Variants in CSF3 observed in about 807,000 individuals in gnomAD.
The protein encoded by CSF3 is colony stimulating factor 3.
CSF3 carries 17 observed loss-of-function variants against 20.2 expected under a neutral mutation model. The ratio of observed to expected loss-of-function variants is 0.84; its 90% CI spans 0.58 to 1.26. The LOEUF is 1.26. Ranked by LOEUF, CSF3 falls within the 50% of genes most tolerant of loss-of-function variation. The pLI, the probability that CSF3 is intolerant of heterozygous loss-of-function variation, is 0.00. For missense variants in CSF3, 210 were observed against 256.0 expected (o/e 0.82, Z 1.23); for synonymous variants, 125 against 115.3 (o/e 1.08, Z -0.54).
rs531033567 is a variant in CSF3 at position 40,016,881 on chromosome 17, A to G, written c.537A>G (p.Gly179=). 2 of 1,613,516 alleles carry G rather than the reference A, an allele frequency of 1.2e-6. No individual in the cohort carries two copies. The highest frequency in any genetic ancestry group is 4.5e-5 in the East Asian group (2 of 44,872). ...AFASAFQRRA[G]GVLVASHLQS... ...CCTCTGCTTTCCAGCGCCGGGCAGG[A>G]GGGGTCCTGGTTGCCTCCCATCTGC... The change falls in exon 5 of 5, where the codon GGA becomes GGG. Residue 179 remains glycine, a synonymous_variant. Coordinates refer to ENST00000394149, the MANE Select transcript of CSF3 (RefSeq NM_172219.3).
intron 2 of CSF3, 129 bp downstream of exon 2, chr17:40,015,974 G>T (rs935216237): frequency 1.0e-5 from 14 of 1,371,734 alleles, no homozygotes; most frequent in Admixed American, 5.2e-5. Flanking sequence ...GCTGGGGAAG[G>T]CTGGGAAGGG....
intron 1 of CSF3, 83 bp downstream of exon 1, chr17:40,015,597 C>T (rs953815169): frequency 1.8e-5 from 28 of 1,546,772 alleles, no homozygotes; most frequent in Middle Eastern, 4.4e-4. Context: ...TGGGGATCCC[C>T]GTTCTGGGAA....
At position 40,017,020 on chromosome 17, in the gene CSF3, CAT is replaced by C; in HGVS notation, c.*64_*65del. 1 of 1,454,148 alleles carries C rather than the reference CAT, an allele frequency of 6.9e-7. No homozygotes were observed. Among genetic ancestry groups the C allele is most frequent in the Non-Finnish European group, 9.1e-7 (1 of 1,093,882 alleles). The allele number at this position is 1,454,148 out of a possible 1,614,324, so 90.1% of individuals were successfully genotyped here. A position where few individuals can be genotyped will look rare whatever the true frequency, so the allele number is the denominator to read the frequency against. On this transcript the variant is annotated 3_prime_UTR_variant, in exon 5 of 5. Transcript: ENST00000394149. ...TTAATATTTATGTCTATTTAAGCCTCATATTTAAAGACAGGGAAGAGCAGAAC... is the reference window on the plus strand; with the variant it reads ...TTAATATTTATGTCTATTTAAGCCTCATTTAAAGACAGGGAAGAGCAGAAC...
rs577491415 is a variant in CSF3 at position 40,015,444 on chromosome 17, C to T, written c.-31C>T. ...CCTAGAGCTGGGCCCCAAAACAGCC[C>T]GGAGCCTGCAGCCCAGCCCCACCCA... On this transcript the variant is annotated 5_prime_UTR_variant, in exon 1 of 5. Transcript: ENST00000394149. 14 of 1,547,504 alleles carry T rather than the reference C, an allele frequency of 9.0e-6. No individual in the cohort carries two copies. Among genetic ancestry groups the T allele is most frequent in the South Asian group, 6.0e-5 (5 of 83,668 alleles).
intron 1 of CSF3, 49 bp downstream of exon 1, chr17:40,015,563 G>A (rs1981322615): frequency 1.3e-6 from 2 of 1,549,986 alleles, no homozygotes; most frequent in South Asian, 1.2e-5. Flanking sequence ...TGGCATGGGA[G>A]GGAGGCTGGT....
rs1382011778 is a variant in CSF3 at position 40,016,873 on chromosome 17, C to G, written c.529C>G (p.Arg177Gly). 6.2e-7 allele frequency: 1 copy of G among 1,613,462 alleles called. No individual in the cohort carries two copies. Among genetic ancestry groups the G allele is most frequent in the Non-Finnish European group, 8.5e-7 (1 of 1,180,000 alleles). ...MPAFASAFQRRAGGVLVASHL... is the reference protein window; with the variant it reads ...MPAFASAFQRGAGGVLVASHL... ...GGCCTTCGCCTCTGCTTTCCAGCGCCGGGCAGGAGGGGTCCTGGTTGCCTC... is the reference window on the plus strand; with the variant it reads ...GGCCTTCGCCTCTGCTTTCCAGCGCGGGGCAGGAGGGGTCCTGGTTGCCTC... Residue 177 changes from arginine to glycine, a missense_variant, in exon 5 of 5, where the codon CGG becomes GGG. Coordinates refer to ENST00000394149, the MANE Select transcript of CSF3 (RefSeq NM_172219.3).
At chr17:40,016,073 G>A in intron 2 of CSF3, 160 bp from the exon 3 acceptor site, 2 of 821,194 alleles carry the variant, frequency 2.4e-6, no homozygotes, top group Non-Finnish European at 3.7e-6. Flanking sequence ...GAAAGGGCAA[G>A]GGCCCCTGTG....
chr17:40,015,651 G>A, intron 1 of CSF3, 40 bp from the exon 2 acceptor site: 1 of 1,557,730 alleles, frequency 6.4e-7, no homozygotes, highest in Admixed American at 1.9e-5. Context: ...GCCTCAGGTG[G>A]TAGGGAACAG....
In CSF3 at chr17:40,016,798, G is replaced by A; in HGVS notation, c.454G>A (p.Glu152Lys). The A allele has an allele frequency of 1.2e-6, 2 of 1,612,874 alleles. No individual in the cohort carries two copies. Among genetic ancestry groups the A allele is most frequent in the South Asian group, 1.1e-5 (1 of 91,030 alleles). The change falls in exon 5 of 5, where the codon GAA becomes AAA. Residue 152 changes from glutamate to lysine, a missense_variant. Transcript: ENST00000394149. ...DFATTIWQQMEELGMAPALQP... is the reference protein window; with the variant it reads ...DFATTIWQQMKELGMAPALQP... The stretch of plus-strand genomic sequence containing the variant: ...TGATCACAGCTTTCCCCCACAGATG[G>A]AAGAACTGGGAATGGCCCCTGCCCT...
chr17:40,016,236 G>T lies in CSF3; in HGVS notation c.199G>T (p.Ala67Ser). The T allele has an allele frequency of 6.5e-7, 1 of 1,548,404 alleles. No individual in the cohort carries two copies. Among genetic ancestry groups the T allele is most frequent in the Admixed American group, 2.0e-5 (1 of 50,312 alleles). The change falls in exon 3 of 5, where the codon GCC becomes TCC. Residue 67 changes from alanine to serine, a missense_variant. Physicochemically the swap from Ala to Ser is moderately conservative, Grantham distance 99. Coordinates refer to ENST00000394149, the MANE Select transcript of CSF3 (RefSeq NM_172219.3). ...DGAALQEKLC[A>S]TYKLCHPEEL... The stretch of plus-strand genomic sequence containing the variant: ...CTCAGCATCCTTCCATCCCCAGTGT[G>T]CCACCTACAAGCTGTGCCACCCCGA...
At chr17:40,016,057 T>A in intron 2 of CSF3, 176 bp from the exon 3 acceptor site, 1 of 843,654 alleles carries the variant, frequency 1.2e-6, no homozygotes, top group Non-Finnish European at 1.8e-6. Context: ...GGCATTACAT[T>A]CAGGAGAAAG....
At chr17:40,016,408 C>T (rs1981389683) in intron 3 of CSF3, 68 bp downstream of exon 3, 1 of 1,606,146 alleles carries the variant, frequency 6.2e-7, no homozygotes, top group Non-Finnish European at 8.5e-7. Context: ...ATGGGCTCCC[C>T]CATGTCTCCA....
rs2827 is a variant in CSF3, at chr17:40,017,484, C to T, written c.*525C>T. 30,466 of 152,768 alleles carry T rather than the reference C, an allele frequency of 0.2. 3,820 individuals carry two copies. The highest frequency in any genetic ancestry group is 0.34 in the African/African-American group (14,230 of 41,470). 9.5% of individuals were successfully genotyped at this position (152,768 alleles called of 1,614,324 possible). A position where few individuals can be genotyped will look rare whatever the true frequency, so the allele number is the denominator to read the frequency against. ...GTCCCACGAATTTGCTGGGGAATCT[C>T]GTTTTTCTTCTTAAGACTTTTGGGA... is the stretch of plus-strand genomic sequence containing the variant. On this transcript the variant is annotated 3_prime_UTR_variant, in exon 5 of 5. Coordinates refer to ENST00000394149, the MANE Select transcript of CSF3 (RefSeq NM_172219.3).
intron 2 of CSF3, 80 bp downstream of exon 2, chr17:40,015,925 C>T (rs1598322405): frequency 2.0e-6 from 3 of 1,502,706 alleles, no homozygotes; most frequent in East Asian, 2.3e-5. Flanking sequence ...GGGCCAACAT[C>T]CTCTGGAAGG....
rs1389591627 is a variant in CSF3, at chr17:40,016,463, A to G, written c.304-22A>G. ...GACGTATCTCAGGCAGCACCCCCTA[A>G]CTCTTCCGCTCTGTCTCACAGGCAG... On this transcript the variant is annotated intron_variant, in intron 3 of 4. Transcript: ENST00000394149. The G allele has an allele frequency of 3.1e-6, 5 of 1,613,240 alleles. No individual in the cohort carries two copies. In the African/African-American group the frequency reaches 6.7e-5, roughly 22 times the overall value.
chr17:40,015,501 C>A lies in CSF3; in HGVS notation c.27C>A (p.Pro9=). MAGPATQS[P]MKLMALQLLL... ...TGGCTGGACCTGCCACCCAGAGCCCCATGAAGCTGATGGGTGAGTGTCTTG... is the reference window on the plus strand; with the variant it reads ...TGGCTGGACCTGCCACCCAGAGCCCAATGAAGCTGATGGGTGAGTGTCTTG... The change falls in exon 1 of 5, where the codon CCC becomes CCA. Residue 9 remains proline (P), a synonymous_variant. Coordinates refer to ENST00000394149, the MANE Select transcript of CSF3 (RefSeq NM_172219.3). 1 of 1,551,456 alleles carries A rather than the reference C, an allele frequency of 6.4e-7. No homozygotes were observed. The highest frequency in any genetic ancestry group is 8.7e-7 in the Non-Finnish European group (1 of 1,146,992).
chr17:40,016,934 T>C lies in CSF3; in HGVS notation c.590T>C (p.Val197Ala). 1.9e-6 allele frequency: 3 copies of C among 1,605,210 alleles called. No homozygotes were observed. The highest frequency in any genetic ancestry group is 2.6e-6 in the Non-Finnish European group (3 of 1,174,942). ...AGCTTCCTGGAGGTGTCGTACCGCG[T>C]TCTACGCCACCTTGCCCAGCCCTGA... is the stretch of plus-strand genomic sequence containing the variant. ...LQSFLEVSYR[V>A]LRHLAQP The change falls in exon 5 of 5, where the codon GTT becomes GCT. Residue 197 changes from valine to alanine, a missense_variant. Val to Ala is a moderately conservative substitution (Grantham distance 64). Coordinates refer to ENST00000394149, the MANE Select transcript of CSF3 (RefSeq NM_172219.3).
chr17:40,015,729 G>A lies in CSF3; in HGVS notation c.79G>A (p.Val27Met), dbSNP rs1398240015. 3.1e-6 allele frequency: 5 copies of A among 1,596,994 alleles called. No individual in the cohort carries two copies. The South Asian group carries it at 4.5e-5, about 14-fold the overall frequency. Residue 27 changes from valine (V) to methionine (M), a missense_variant, in exon 2 of 5, where the codon GTG (valine) becomes ATG (methionine). Transcript: ENST00000394149. Reference sequence around the variant, plus strand: ...GCTGTGGCACAGTGCACTCTGGACAGTGCAGGAAGCCACCCCCCTGGGCCC... The same window carrying A: ...GCTGTGGCACAGTGCACTCTGGACAATGCAGGAAGCCACCCCCCTGGGCCC... ...LLLWHSALWT[V>M]QEATPLGPAS... is the part of the protein sequence containing the mutation.
chr17:40,015,514 G>C lies in CSF3; in HGVS notation c.40G>C (p.Ala14Pro). 6.4e-7 allele frequency: 1 copy of C among 1,551,310 alleles called. No homozygotes were observed. Among genetic ancestry groups the C allele is most frequent in the Non-Finnish European group, 8.7e-7 (1 of 1,146,978 alleles). Residue 14 changes from alanine to proline, a missense_variant and splice_region_variant, in exon 1 of 5, where the codon GCC becomes CCC. Ala to Pro is a conservative substitution (Grantham distance 27). Transcript: ENST00000394149. ...CACCCAGAGCCCCATGAAGCTGATGGGTGAGTGTCTTGGCCCAGGATGGGA... is the reference window on the plus strand; with the variant it reads ...CACCCAGAGCCCCATGAAGCTGATGCGTGAGTGTCTTGGCCCAGGATGGGA... ...PATQSPMKLM[A>P]LQLLLWHSAL... is the part of the protein sequence containing the mutation.
Sources: allele counts gnomAD v4.1 joint callset, GRCh38; gene constraint gnomAD v4.1.1; transcripts MANE v1.5; gene names NCBI Gene and HGNC (gene_info 2026-07-23, HGNC 2026-07-21).